EYS: variants seen among roughly 807,000 people sequenced by gnomAD.
EYS encodes the protein EGF-like photoreceptor maintenance factor, also known as protein eyes shut homolog.
EYS carries 250 observed loss-of-function variants against 282.1 expected under a neutral mutation model. The observed-to-expected ratio is 0.89, with a 90% CI of 0.80 to 0.98. The LOEUF (loss-of-function observed/expected upper bound fraction) is 0.98, where lower values mean the gene tolerates loss of function less well. Among genes scored for constraint, EYS ranks in the 50% least tolerant of loss-of-function variants. The pLI, the probability that EYS is intolerant of heterozygous loss-of-function variation, is 0.00. For missense variants in EYS, 4,016 were observed against 3,709.0 expected (o/e 1.08, Z -2.15); for synonymous variants, 1,355 against 1,282.9 (o/e 1.06, Z -1.20).
intron 12 of EYS, among the ~76,000 whole-genome samples, chr6:65,215,643 G>C (rs1034752722): frequency 1.3e-5 from 2 of 152,204 alleles, no homozygotes; most frequent in African/African-American, 4.8e-5. Context: ...TCCACTGTGG[G>C]TAAAACGCTG....
At chr6:64,986,349 T>G (rs1770857451) in intron 14 of EYS, among the ~76,000 whole-genome samples, 1 of 151,428 alleles carries the variant, frequency 6.6e-6, no homozygotes, top group Admixed American at 6.6e-5. Context: ...ACATACAAAT[T>G]CCTATGTCAA....
intron 29 of EYS, among the ~76,000 whole-genome samples, chr6:64,331,452 C>A (rs556682841): frequency 7.2e-5 from 11 of 152,076 alleles, no homozygotes; most frequent in African/African-American, 2.2e-4. Context: ...AAGAGGAAAC[C>A]CTTACCATGC....
intron 31 of EYS, among the ~76,000 whole-genome samples, chr6:64,172,553 C>T (rs927223739): frequency 2.0e-5 from 3 of 152,288 alleles, no homozygotes; most frequent in East Asian, 3.9e-4. Context: ...TATCTTATGA[C>T]CCATCAGTCT....
chr6:64,650,614 G>C (rs952150609), intron 22 of EYS, among the ~76,000 whole-genome samples: 1 of 152,078 alleles, frequency 6.6e-6, no homozygotes, highest in Admixed American at 6.5e-5. Flanking sequence ...TTTGAGGAAA[G>C]GGGGAAAATT....
At chr6:63,849,112 C>T (rs920522200) in intron 36 of EYS, among the ~76,000 whole-genome samples, 2 of 152,198 alleles carry the variant, frequency 1.3e-5, no homozygotes, top group Non-Finnish European at 2.9e-5. Context: ...ACCACAAAGC[C>T]ACTGTAGCCA....
chr6:64,362,261 TAA>T (rs1772040168), intron 29 of EYS, among the ~76,000 whole-genome samples: 1 of 151,768 alleles, frequency 6.6e-6, no homozygotes, highest in Non-Finnish European at 1.5e-5. Context: ...AGAAAATAAC[TAA>T]ACGTAAGTAT....
chr6:64,511,143 T>C (rs1208442927), intron 26 of EYS, among the ~76,000 whole-genome samples: 2 of 149,556 alleles, frequency 1.3e-5, no homozygotes, highest in Non-Finnish European at 2.9e-5. Flanking sequence ...TGATAATTGT[T>C]TATATAACAC....
chr6:64,915,542 A>C, intron 15 of EYS, among the ~76,000 whole-genome samples: 1 of 152,172 alleles, frequency 6.6e-6, no homozygotes, highest in Admixed American at 6.5e-5. Context: ...AATAAAAAGT[A>C]TATATAGTGC....
In EYS at chr6:63,726,522, AT is replaced by A; in HGVS notation, c.8229del (p.Gln2743HisfsTer10). Reference protein sequence around the residue: ...LFYAAQHLKAQSGDFLCISLV... With the variant: ...LFYAAQHLKAXSGDFLCISLV... ...ACAAACAGCCTGCCAATCTTACCTG[AT>A]TGGGCTTTTAAGTGTTGTGCAGCAT... is the stretch of plus-strand genomic sequence containing the variant. On this transcript the variant is annotated frameshift_variant, in exon 42 of 43. Transcript: ENST00000503581. LOFTEE classifies it low-confidence loss of function (END_TRUNC). 6.5e-7 allele frequency: 1 copy of A among 1,548,948 alleles called. No individual in the cohort carries two copies.
chr6:65,103,883 T>C (rs116498662), intron 12 of EYS, among the ~76,000 whole-genome samples: 1 of 151,424 alleles, frequency 6.6e-6, no homozygotes, highest in East Asian at 1.9e-4. Context: ...AATGCTAACA[T>C]AGAAATGCAG....
At position 64,529,827 on chromosome 6, in the gene EYS, G is replaced by A. The variant is rs185474782; in HGVS notation, c.5644+60396C>T. The stretch of plus-strand genomic sequence containing the variant: ...TTGCTGATTGTGCCAAGCAGAACAC[G>A]TTAAAATAAAGTTTTGAAATGTATG... On this transcript the variant is annotated intron_variant, in intron 26 of 42. Transcript: ENST00000503581. Among the ~76,000 whole-genome samples, 460 of 126,224 alleles carry A rather than the reference G, an allele frequency of 3.6e-3. 5 individuals carry two copies. Among genetic ancestry groups the A allele is most frequent in the Non-Finnish European group, 5.0e-3 (271 of 54,492 alleles). The allele number at this position is 126,224 out of a possible 152,430, so 82.8% of individuals were successfully genotyped here.
intron 27 of EYS, among the ~76,000 whole-genome samples, chr6:64,438,307 T>C (rs2056700848): frequency 6.6e-6 from 1 of 151,740 alleles, no homozygotes; most frequent in African/African-American, 2.4e-5. Flanking sequence ...ATATTTACAT[T>C]GCTAAAAATT....
At chr6:64,838,831 A>C (rs1369850181) in intron 19 of EYS, among the ~76,000 whole-genome samples, 1 of 151,966 alleles carries the variant, frequency 6.6e-6, no homozygotes, top group African/African-American at 2.4e-5. Flanking sequence ...ATTTTTGTTT[A>C]ATGCCTGACT....
intron 18 of EYS, among the ~76,000 whole-genome samples, chr6:64,891,026 A>C (rs898045557): frequency 6.6e-6 from 1 of 152,084 alleles, no homozygotes; most frequent in African/African-American, 2.4e-5. Context: ...ATTAAATTTC[A>C]AGAATCTGTT....
At position 64,814,219 on chromosome 6, in the gene EYS, G is replaced by A. The variant is rs1258727918; in HGVS notation, c.3244-642C>T. ...GTGCAAATGTCTTGTAGAGTTAGAGGAATCTGGATAATACCTGTTACTTTT... is the reference window on the plus strand; with the variant it reads ...GTGCAAATGTCTTGTAGAGTTAGAGAAATCTGGATAATACCTGTTACTTTT... On this transcript the variant is annotated intron_variant, in intron 21 of 42. Coordinates refer to ENST00000503581, the MANE Select transcript of EYS (RefSeq NM_001142800.2). 2.6e-5 allele frequency among the ~76,000 whole-genome samples: 4 copies of A among 151,980 alleles called. No individual in the cohort carries two copies. In the East Asian group the frequency reaches 7.7e-4, roughly 29 times the overall value.
chr6:64,660,343 C>T (rs1201638128), intron 22 of EYS, among the ~76,000 whole-genome samples: 4 of 151,844 alleles, frequency 2.6e-5, no homozygotes, highest in Non-Finnish European at 5.9e-5. Context: ...GGGATGCCCT[C>T]TCTCACCACT....
At chr6:65,420,357 G>C (rs146819220) in intron 5 of EYS, among the ~76,000 whole-genome samples, 303 of 152,032 alleles carry the variant, frequency 2.0e-3, no homozygotes, top group African/African-American at 6.9e-3. Flanking sequence ...CACTTTCTTT[G>C]CTCATTCGTA....
chr6:65,638,508 C>A (rs1767167876), intron 2 of EYS, among the ~76,000 whole-genome samples: 1 of 152,220 alleles, frequency 6.6e-6, no homozygotes, highest in South Asian at 2.1e-4. Flanking sequence ...GTGACACCCT[C>A]TTTGGGGCTC....
intron 30 of EYS, among the ~76,000 whole-genome samples, chr6:64,291,117 A>C (rs1768692286): frequency 6.6e-6 from 1 of 151,326 alleles, no homozygotes; most frequent in South Asian, 2.1e-4. Context: ...GGCCATAATA[A>C]GCATTTGAAA....
Sources: allele counts gnomAD v4.1 joint callset (sites outside exome capture counted in the v4.1 genomes callset), GRCh38; gene constraint gnomAD v4.1.1; transcripts MANE v1.5; gene names NCBI Gene and HGNC (gene_info 2026-07-23, HGNC 2026-07-21).